NRXN3: variants seen among roughly 807,000 people sequenced by gnomAD.
NRXN3 encodes neurexin 3.
A neutral mutation model predicts 137.6 loss-of-function variants in NRXN3; 32 were observed. The ratio of observed to expected loss-of-function variants is 0.23; its 90% CI spans 0.18 to 0.31. The LOEUF is 0.31. Among genes scored for constraint, NRXN3 ranks in the 10% least tolerant of loss-of-function variants. The pLI is 1.00. For missense variants in NRXN3, 1,574 were observed against 2,062.5 expected, an observed-to-expected ratio of 0.76 and a Z score of 4.59; for synonymous variants, 798 against 784.5, an observed-to-expected ratio of 1.02 and a Z score of -0.29.
intron 16 of NRXN3, among the ~76,000 whole-genome samples, chr14:79,537,224 C>CT (rs1206950789): frequency 6.6e-6 from 1 of 151,782 alleles, no homozygotes; most frequent in Non-Finnish European, 1.5e-5. Flanking sequence ...TGTTGTTGAG[C>CT]TTTTTTTCAT....
At chr14:79,048,012 A>G (rs2099635570) in intron 15 of NRXN3, among the ~76,000 whole-genome samples, 2 of 152,220 alleles carry the variant, frequency 1.3e-5, no homozygotes, top group Admixed American at 1.3e-4. Flanking sequence ...AAATGAAAAC[A>G]AGACAGGTAT....
chr14:79,466,481 G>A (rs949408585), intron 15 of NRXN3, among the ~76,000 whole-genome samples: 1 of 152,036 alleles, frequency 6.6e-6, no homozygotes, highest in Non-Finnish European at 1.5e-5. Flanking sequence ...CCAGCTACTC[G>A]GGAAGCTAAG....
chr14:78,606,642 G>A lies in NRXN3; in HGVS notation c.758-38478G>A, dbSNP rs572664986. Among the ~76,000 whole-genome samples, 23 of 152,264 alleles carry A rather than the reference G, an allele frequency of 1.5e-4. 1 individual carries two copies. The highest frequency in any genetic ancestry group is 5.3e-4 in the African/African-American group (22 of 41,532). ...ACCTAACACAGTGTCCTAGATGCTC[G>A]ATAAATATGTTTTGGACTAAAATAT... On this transcript the variant is annotated intron_variant, in intron 4 of 20. Coordinates refer to ENST00000335750, the MANE Select transcript of NRXN3 (RefSeq NM_001330195.2).
intron 19 of NRXN3, among the ~76,000 whole-genome samples, chr14:79,736,043 G>A (rs940090643): frequency 6.6e-6 from 1 of 152,124 alleles, no homozygotes; most frequent in Non-Finnish European, 1.5e-5. Flanking sequence ...GAGAAATTTT[G>A]CCTTACTGAT....
At position 79,638,055 on chromosome 14, in the gene NRXN3, G is replaced by A. The variant is rs180932498; in HGVS notation, c.3445-25723G>A. ...TTATAAAGTTCCTCCTATATTATAC[G>A]TGCCCATACCTCTATACTAGTTTTT... On this transcript the variant is annotated intron_variant, in intron 16 of 20. Transcript: ENST00000335750. Among the ~76,000 whole-genome samples, 8 of 151,864 alleles carry A rather than the reference G, an allele frequency of 5.3e-5. No homozygotes were observed. In the East Asian group the frequency reaches 1.2e-3, roughly 22 times the overall value.
At chr14:79,306,074 G>A (rs894626382) in intron 15 of NRXN3, among the ~76,000 whole-genome samples, 7 of 152,130 alleles carry the variant, frequency 4.6e-5, no homozygotes, top group Non-Finnish European at 1.0e-4. Flanking sequence ...AAATGAGCAT[G>A]TGTTGACCGT....
chr14:79,097,954 A>G (rs907493253), intron 15 of NRXN3, among the ~76,000 whole-genome samples: 1 of 152,168 alleles, frequency 6.6e-6, no homozygotes, highest in African/African-American at 2.4e-5. Flanking sequence ...TTGGGCTTAT[A>G]TTAGTCTCCT....
At chr14:78,247,778 A>G (rs893980532) in intron 2 of NRXN3, among the ~76,000 whole-genome samples, 14 of 152,214 alleles carry the variant, frequency 9.2e-5, no homozygotes, top group African/African-American at 3.4e-4. Flanking sequence ...GTTTGTCAGC[A>G]CCTTGAAATG....
At chr14:78,751,994 G>A (rs896845848) in intron 8 of NRXN3, among the ~76,000 whole-genome samples, 12 of 152,344 alleles carry the variant, frequency 7.9e-5, no homozygotes, top group Admixed American at 5.9e-4. Context: ...AGGAGATCAC[G>A]CCACAGGCAG....
At chr14:79,131,201 C>T (rs1160788618) in intron 15 of NRXN3, among the ~76,000 whole-genome samples, 1 of 152,212 alleles carries the variant, frequency 6.6e-6, no homozygotes, top group African/African-American at 2.4e-5. Flanking sequence ...CTCCGTCCAG[C>T]TTTGTTCCAT....
intron 1 of NRXN3, among the ~76,000 whole-genome samples, chr14:78,222,372 T>C (rs2153425883): frequency 6.6e-6 from 1 of 152,100 alleles, no homozygotes; most frequent in South Asian, 2.1e-4. Flanking sequence ...TAGAAGAGCG[T>C]GGGCTCACCC....
chr14:79,238,768 A>G (rs1004368825), intron 15 of NRXN3, among the ~76,000 whole-genome samples: 8 of 152,202 alleles, frequency 5.3e-5, no homozygotes. Flanking sequence ...AAGTTTATTC[A>G]TGTTGTGTTT....
chr14:79,517,841 C>T (rs2097010039), intron 16 of NRXN3, among the ~76,000 whole-genome samples: 1 of 145,576 alleles, frequency 6.9e-6, no homozygotes, highest in Non-Finnish European at 1.5e-5. Flanking sequence ...ATTTCAGAAT[C>T]TAAAAGGGCT....
intron 4 of NRXN3, among the ~76,000 whole-genome samples, chr14:78,632,619 T>C (rs1347022044): frequency 6.6e-6 from 1 of 152,220 alleles, no homozygotes; most frequent in Non-Finnish European, 1.5e-5. Flanking sequence ...CTTAGTTTTA[T>C]CATTTGAAAA....
intron 15 of NRXN3, among the ~76,000 whole-genome samples, chr14:79,116,084 A>G (rs997157326): frequency 6.6e-6 from 1 of 152,234 alleles, no homozygotes. Context: ...TGATACTTCC[A>G]AAGACTATTC....
chr14:78,598,982 A>G (rs2097181010), intron 4 of NRXN3, among the ~76,000 whole-genome samples: 1 of 152,222 alleles, frequency 6.6e-6, no homozygotes, highest in Non-Finnish European at 1.5e-5. Context: ...GCTCAGGCAG[A>G]GAGTTCTTAG....
chr14:78,603,343 G>A (rs2097217468), intron 4 of NRXN3, among the ~76,000 whole-genome samples: 1 of 152,132 alleles, frequency 6.6e-6, no homozygotes, highest in Non-Finnish European at 1.5e-5. Flanking sequence ...TTGCAATCAA[G>A]AGCCCTTTAA....
chr14:78,918,490 T>A (rs529078734), intron 10 of NRXN3, among the ~76,000 whole-genome samples: 12 of 152,212 alleles, frequency 7.9e-5, no homozygotes, highest in African/African-American at 2.6e-4. Flanking sequence ...TAATAAACGC[T>A]GAGATATATG....
At chr14:78,639,470 C>A (rs945282248) in intron 4 of NRXN3, among the ~76,000 whole-genome samples, 2 of 152,202 alleles carry the variant, frequency 1.3e-5, no homozygotes, top group Admixed American at 6.5e-5. Flanking sequence ...CTAAAAATTC[C>A]ATTTCTAAGG....
Sources: allele counts gnomAD v4.1 joint callset (sites outside exome capture counted in the v4.1 genomes callset), GRCh38; gene constraint gnomAD v4.1.1; transcripts MANE v1.5; gene names NCBI Gene and HGNC (gene_info 2026-07-23, HGNC 2026-07-21).